MTUS2: variants seen among roughly 807,000 people sequenced by gnomAD.
The protein encoded by MTUS2 is microtubule associated scaffold protein 2, also known as microtubule-associated tumor suppressor candidate 2.
A neutral mutation model predicts 114.1 loss-of-function variants in MTUS2; 40 were observed. The observed-to-expected ratio is 0.35, with a 90% confidence interval of 0.27 to 0.46. MTUS2 has a LOEUF of 0.46. Among genes scored for constraint, MTUS2 ranks in the 20% least tolerant of loss-of-function variants. The pLI is 1.00. For synonymous variants in MTUS2, 688 were observed against 672.0 expected (o/e 1.02, Z -0.37); for missense variants, 1,679 against 1,705.4 (o/e 0.98, Z 0.27).
At chr13:29,102,762 C>T (rs540303347) in intron 5 of MTUS2, among the ~76,000 whole-genome samples, 19 of 152,120 alleles carry the variant, frequency 1.2e-4, no homozygotes, top group Non-Finnish European at 2.2e-4. Context: ...AATCATTATA[C>T]CTATACTTGT....
chr13:28,919,152 A>G (rs1880905856), intron 2 of MTUS2, among the ~76,000 whole-genome samples: 2 of 152,086 alleles, frequency 1.3e-5, no homozygotes, highest in Non-Finnish European at 2.9e-5. Context: ...TCTGTGTGCT[A>G]TTACCAGTGA....
chr13:29,188,240 G>A (rs971362860), intron 5 of MTUS2, among the ~76,000 whole-genome samples: 19 of 152,300 alleles, frequency 1.2e-4, no homozygotes, highest in African/African-American at 3.8e-4. Context: ...CATGGGAACT[G>A]AGATTCATAG....
At chr13:29,417,890 A>G (rs2138579243) in intron 8 of MTUS2, among the ~76,000 whole-genome samples, 1 of 151,900 alleles carries the variant, frequency 6.6e-6, no homozygotes, top group South Asian at 2.1e-4. Flanking sequence ...TTTTCCATTT[A>G]TTTTTGCAGT....
At chr13:29,080,303 A>G (rs1188765260) in intron 4 of MTUS2, among the ~76,000 whole-genome samples, 2 of 151,928 alleles carry the variant, frequency 1.3e-5, no homozygotes, top group African/African-American at 4.9e-5. Context: ...ATACAGAGGA[A>G]AAAAACCCCA....
At chr13:28,976,203 C>CAAAAAAAAAAAAAAAAA (rs71090215) in intron 2 of MTUS2, among the ~76,000 whole-genome samples, 7 of 90,146 alleles carry the variant, frequency 7.8e-5, no homozygotes, top group South Asian at 3.9e-4. Context: ...GACCTTGTCT[C>CAAAAAAAAAAAAAAAAA]AAAAAAAAAA....
intron 5 of MTUS2, among the ~76,000 whole-genome samples, chr13:29,132,829 C>G (rs1891822604): frequency 6.6e-6 from 1 of 152,138 alleles, no homozygotes; most frequent in African/African-American, 2.4e-5. Context: ...TACAAATATA[C>G]AAATATCTTT....
intron 5 of MTUS2, among the ~76,000 whole-genome samples, chr13:29,179,391 T>G (rs1210165347): frequency 6.6e-6 from 1 of 152,206 alleles, no homozygotes; most frequent in African/African-American, 2.4e-5. Context: ...AGTTAAGATT[T>G]TAGGAGATCA....
intron 2 of MTUS2, among the ~76,000 whole-genome samples, chr13:28,904,819 C>T (rs1879880857): frequency 2.0e-5 from 3 of 152,022 alleles, no homozygotes. Flanking sequence ...ATGGGGATGG[C>T]ATTGAATCTA....
At chr13:29,350,778 G>A (rs1003695376) in intron 7 of MTUS2, among the ~76,000 whole-genome samples, 2 of 151,698 alleles carry the variant, frequency 1.3e-5, no homozygotes, top group Non-Finnish European at 2.9e-5. Context: ...CCTCTTCCTT[G>A]TTTGCAGATG....
intron 5 of MTUS2, among the ~76,000 whole-genome samples, chr13:29,103,861 A>G (rs1890538445): frequency 6.6e-6 from 1 of 152,224 alleles, no homozygotes; most frequent in South Asian, 2.1e-4. Context: ...AACAGTCTAA[A>G]CAATGTCCAC....
intron 4 of MTUS2, among the ~76,000 whole-genome samples, chr13:29,066,033 G>C (rs985548883): frequency 2.6e-5 from 4 of 152,024 alleles, no homozygotes; most frequent in African/African-American, 7.3e-5. Flanking sequence ...CCTCGATTCA[G>C]TTCTTCAGGC....
At chr13:29,069,813 T>G (rs1232601501) in intron 4 of MTUS2, among the ~76,000 whole-genome samples, 6 of 152,224 alleles carry the variant, frequency 3.9e-5, no homozygotes, top group Non-Finnish European at 8.8e-5. Context: ...TTAAAATGGA[T>G]AGTAAAGATG....
At chr13:29,274,005 G>A (rs1161012155) in intron 5 of MTUS2, among the ~76,000 whole-genome samples, 3 of 152,140 alleles carry the variant, frequency 2.0e-5, no homozygotes, top group Non-Finnish European at 4.4e-5. Context: ...GCTTTTATGT[G>A]AACATATGTT....
intron 6 of MTUS2, among the ~76,000 whole-genome samples, chr13:29,290,331 G>C (rs1266193589): frequency 6.6e-6 from 1 of 151,968 alleles, no homozygotes; most frequent in Non-Finnish European, 1.5e-5. Flanking sequence ...GTTTTTGTTT[G>C]TTTGTTTGTT....
At chr13:28,996,026 A>T (rs181685623) in intron 2 of MTUS2, among the ~76,000 whole-genome samples, 18 of 152,144 alleles carry the variant, frequency 1.2e-4, no homozygotes, top group East Asian at 3.8e-4. Flanking sequence ...TGATATTGGC[A>T]GTGGGTTTGT....
At chr13:29,275,518 C>T (rs1054702228) in intron 5 of MTUS2, among the ~76,000 whole-genome samples, 1 of 152,110 alleles carries the variant, frequency 6.6e-6, no homozygotes, top group Non-Finnish European at 1.5e-5. Context: ...TGCTCCCACC[C>T]ACCACTACCC....
intron 5 of MTUS2, among the ~76,000 whole-genome samples, chr13:29,189,421 G>A (rs531683507): frequency 9.0e-4 from 137 of 151,692 alleles, no homozygotes; most frequent in Non-Finnish European, 1.1e-3. Flanking sequence ...ACAGCTCTTC[G>A]TGTTATCCTC....
rs1049319161 is a variant in MTUS2 at position 29,394,316 on chromosome 13, A to C, written c.3117+34843A>C. ...ATCAATACCTGTAAGGTGTACAGGT[A>C]ATCATTGGTTTGGTCCAGAAAGGTG... On this transcript the variant is annotated intron_variant, in intron 8 of 15. Transcript: ENST00000612955. Among the ~76,000 whole-genome samples, 3 of 152,292 alleles carry C rather than the reference A, an allele frequency of 2.0e-5. No individual in the cohort carries two copies. The East Asian group carries it at 5.8e-4, about 29-fold the overall frequency.
chr13:29,402,780 A>T (rs1270614691), intron 8 of MTUS2, among the ~76,000 whole-genome samples: 1 of 152,122 alleles, frequency 6.6e-6, no homozygotes, highest in Non-Finnish European at 1.5e-5. Context: ...ATTTTTTCAG[A>T]TGGAGTCTCG....
Sources: gnomAD v4.1 joint callset for allele counts (sites outside exome capture counted in the v4.1 genomes callset) on GRCh38, gnomAD v4.1.1 for gene constraint, MANE v1.5 for transcripts, NCBI Gene and HGNC (gene_info 2026-07-23, HGNC 2026-07-21) for gene names.